The following REPS2 variants were observed in gnomAD, a reference collection of about 807,000 sequenced individuals.
REPS2 encodes the protein RALBP1 associated Eps domain containing 2, also known as ralBP1-associated Eps domain-containing protein 2.
In REPS2, 23 loss-of-function variants were observed where a neutral mutation model predicts 53.6. The ratio of observed to expected loss-of-function variants is 0.43; its 90% confidence interval spans 0.31 to 0.61. REPS2 has a LOEUF of 0.61. REPS2 is among the 20% of genes least tolerant of loss of function. REPS2 has a pLI of 0.11. For synonymous variants in REPS2, 238 were observed against 218.6 expected (o/e 1.09, Z -0.78); for missense variants, 446 against 534.9 (o/e 0.83, Z 1.64).
chrX:16,972,897 G>A lies in REPS2; in HGVS notation c.273+25763G>A, dbSNP rs763735891. ...GATCAAGAATAGGAAATTAGTCTTG[G>A]TACAGTATTATTAACTAAACTACAG... On this transcript the variant is annotated intron_variant, in intron 1 of 17. Coordinates refer to ENST00000357277, the MANE Select transcript of REPS2 (RefSeq NM_004726.3). Among the ~76,000 whole-genome samples, 4 of 111,358 alleles carry A rather than the reference G, an allele frequency of 3.6e-5. No individual in the cohort carries two copies. The South Asian group carries it at 1.5e-3, about 42-fold the overall frequency.
At chrX:17,025,812 T>A (rs971483628) in intron 4 of REPS2, among the ~76,000 whole-genome samples, 4 of 111,451 alleles carry the variant, frequency 3.6e-5, no homozygotes, top group African/African-American at 1.3e-4. Context: ...GTTGGCTGTT[T>A]AGGCTGCAGT....
intron 5 of REPS2, among the ~76,000 whole-genome samples, chrX:17,035,874 G>A (rs2061759285): frequency 1.8e-5 from 2 of 111,758 alleles, no homozygotes; most frequent in African/African-American, 6.5e-5. Context: ...ACACAGTTAT[G>A]CTTTTTTACA....
intron 5 of REPS2, among the ~76,000 whole-genome samples, chrX:17,042,283 C>T (rs1303038194): frequency 2.7e-5 from 3 of 111,841 alleles, no homozygotes; most frequent in East Asian, 5.6e-4. Context: ...AGGGTGCATG[C>T]AAAAGTGGAG....
chrX:17,157,182 A>T (rs761111502), downstream of REPS2, among the ~76,000 whole-genome samples: 186 of 111,713 alleles, frequency 1.7e-3, no homozygotes, highest in Non-Finnish European at 2.8e-3. Flanking sequence ...TTTATTTTTT[A>T]AAAAATTTCT....
chrX:17,187,188 G>T, the REPS2 span, among the ~76,000 whole-genome samples: 3 of 111,826 alleles, frequency 2.7e-5, no homozygotes, highest in Non-Finnish European at 5.6e-5. Flanking sequence ...TCCTCTTGCT[G>T]CCCTAAATCC....
chrX:16,969,331 G>T (rs746663033), intron 1 of REPS2, among the ~76,000 whole-genome samples: 1 of 111,865 alleles, frequency 8.9e-6, no homozygotes, highest in Non-Finnish European at 1.9e-5. Flanking sequence ...GGTGGCGGCC[G>T]GGCAGAGGCT....
intron 11 of REPS2, among the ~76,000 whole-genome samples, chrX:17,073,447 C>T (rs142341761): frequency 0.019 from 2,099 of 111,836 alleles, 49 homozygotes; most frequent in African/African-American, 0.064. Flanking sequence ...GGGAAGAAGG[C>T]TGTATGGGCG....
the REPS2 span, among the ~76,000 whole-genome samples, chrX:17,178,138 G>C: frequency 8.9e-6 from 1 of 111,934 alleles, no homozygotes; most frequent in Admixed American, 9.5e-5. Flanking sequence ...AAATAGAGGA[G>C]ACATCTAAGT....
chrX:17,196,235 GC>G, the REPS2 span, among the ~76,000 whole-genome samples: 3 of 111,678 alleles, frequency 2.7e-5, no homozygotes, highest in Non-Finnish European at 5.6e-5. Flanking sequence ...CCTTACTGGG[GC>G]AATAGTCTTG....
chrX:17,068,155 A>C (rs2062250278), intron 9 of REPS2, among the ~76,000 whole-genome samples: 1 of 110,289 alleles, frequency 9.1e-6, no homozygotes, highest in Admixed American at 9.7e-5. Context: ...CTACTAAAAA[A>C]TACAAAAAAT....
chrX:17,051,621 G>A (rs184660762), intron 6 of REPS2, among the ~76,000 whole-genome samples: 42 of 111,967 alleles, frequency 3.8e-4, no homozygotes, highest in African/African-American at 1.1e-3. Context: ...TCCACTTTTG[G>A]AGTATTAAGA....
chrX:17,029,781 T>G (rs2061685804), intron 5 of REPS2, among the ~76,000 whole-genome samples, 158 bp downstream of exon 5: 1 of 112,528 alleles, frequency 8.9e-6, no homozygotes, highest in African/African-American at 3.2e-5. Context: ...TTGTATAAAT[T>G]ACTAAATCTT....
At chrX:17,119,772 A>T (rs369037087) in intron 14 of REPS2, among the ~76,000 whole-genome samples, 2 of 108,847 alleles carry the variant, frequency 1.8e-5, no homozygotes, top group East Asian at 5.8e-4. Flanking sequence ...AATATAGCCC[A>T]GTTTTCCCCT....
intron 13 of REPS2, among the ~76,000 whole-genome samples, chrX:17,096,680 AAAGAAAAG>A (rs2062708042): frequency 5.2e-5 from 4 of 77,431 alleles, no homozygotes; most frequent in Non-Finnish European, 6.9e-5. Context: ...AAAAAAAAAA[AAAGAAAAG>A]AAAAGAGGAA....
chrX:17,078,721 T>C (rs2062413863), intron 13 of REPS2, among the ~76,000 whole-genome samples: 1 of 112,240 alleles, frequency 8.9e-6, no homozygotes, highest in Non-Finnish European at 1.9e-5. Flanking sequence ...TGCTCACAGG[T>C]CTCTCTCAGG....
chrX:17,125,930 C>T (rs940174066), intron 14 of REPS2, among the ~76,000 whole-genome samples: 1 of 111,985 alleles, frequency 8.9e-6, no homozygotes, highest in Non-Finnish European at 1.9e-5. Flanking sequence ...CCAGTGAAGT[C>T]TTTGCAGTGG....
At chrX:16,975,392 T>C (rs752795627) in intron 1 of REPS2, among the ~76,000 whole-genome samples, 2 of 112,224 alleles carry the variant, frequency 1.8e-5, no homozygotes, top group East Asian at 5.6e-4. Flanking sequence ...CTTTTTGACT[T>C]TTTAGTAATA....
At chrX:16,986,910 ATT>A (rs112758922) in intron 1 of REPS2, among the ~76,000 whole-genome samples, 1 of 96,356 alleles carries the variant, frequency 1.0e-5, no homozygotes. Flanking sequence ...ACCCTTATAG[ATT>A]TTTTTTTTTT....
rs1375381976 is a variant in REPS2 at position 17,147,442 on chromosome X, A to T, written c.1944A>T (p.Glu648Asp). 8.3e-7 allele frequency: 1 copy of T among 1,207,707 alleles called. No homozygotes were observed. Among genetic ancestry groups the T allele is most frequent in the South Asian group, 1.8e-5 (1 of 56,370 alleles). ...TTCATCAAGAACGAATTGCATTGGA[A>T]AACCAATTGGAACAACTTCGTCCGG... ...KEVHQERIAL[E>D]NQLEQLRPVT... Residue 648 changes from glutamate (E) to aspartate (D), a missense_variant, in exon 18 of 18, where the codon GAA becomes GAT. Glu to Asp is a conservative substitution (Grantham distance 45). Coordinates refer to ENST00000357277, the MANE Select transcript of REPS2 (RefSeq NM_004726.3).
Sources: allele counts gnomAD v4.1 joint callset (sites outside exome capture counted in the v4.1 genomes callset), GRCh38; gene constraint gnomAD v4.1.1; transcripts MANE v1.5; gene names NCBI Gene and HGNC (gene_info 2026-07-23, HGNC 2026-07-21).